The following TRPM3 variants were observed in gnomAD, a reference collection of about 807,000 sequenced individuals.
The protein encoded by TRPM3 is transient receptor potential cation channel subfamily M member 3.
In TRPM3, 77 loss-of-function variants were observed where a neutral mutation model predicts 181.2. The ratio of observed to expected loss-of-function variants is 0.42; its 90% CI spans 0.35 to 0.51. The LOEUF (loss-of-function observed/expected upper bound fraction) is 0.51, where lower values mean the gene tolerates loss of function less well. TRPM3 is among the 20% of genes least tolerant of loss of function. The probability of loss-of-function intolerance (pLI) is 0.01; values close to 1 mark genes in which losing one functional copy is unlikely to be tolerated. For missense variants in TRPM3, 1,759 were observed against 2,196.7 expected (o/e 0.80, Z 3.98); for synonymous variants, 745 against 796.4 (o/e 0.94, Z 1.09).
intron 1 of TRPM3, among the ~76,000 whole-genome samples, chr9:70,969,028 A>G (rs1478557656): frequency 6.6e-6 from 1 of 152,184 alleles, no homozygotes; most frequent in Non-Finnish European, 1.5e-5. Context: ...TAAATAAACT[A>G]AAGAGCTTCT....
At chr9:71,401,197 C>A (rs1315424661) in intron 1 of TRPM3, among the ~76,000 whole-genome samples, 106 of 105,742 alleles carry the variant, frequency 1.0e-3, no homozygotes, top group South Asian at 2.3e-3. Context: ...GACACCATCG[C>A]AAAAAAAAAA....
intron 1 of TRPM3, among the ~76,000 whole-genome samples, chr9:71,325,595 G>A (rs1565463562): frequency 1.3e-5 from 2 of 152,060 alleles, no homozygotes; most frequent in African/African-American, 4.8e-5. Flanking sequence ...AGCATAACAG[G>A]TAAATAAATG....
At chr9:70,610,581 T>C (rs376855691) in intron 19 of TRPM3, 28 bp downstream of exon 19, 10 of 1,606,480 alleles carry the variant, frequency 6.2e-6, no homozygotes, top group Non-Finnish European at 7.7e-6. Context: ...GGCCATCCAC[T>C]AGGAAGGAGA....
chr9:71,129,239 A>T (rs976876181), intron 1 of TRPM3, among the ~76,000 whole-genome samples: 1 of 152,168 alleles, frequency 6.6e-6, no homozygotes, highest in East Asian at 1.9e-4. Flanking sequence ...AAATGATTTT[A>T]CTTTATGAGA....
At chr9:71,424,380 T>A (rs2093827175) in intron 1 of TRPM3, among the ~76,000 whole-genome samples, 1 of 152,150 alleles carries the variant, frequency 6.6e-6, no homozygotes, top group Non-Finnish European at 1.5e-5. Context: ...AGAAACTCCT[T>A]GACCACACAT....
intron 1 of TRPM3, among the ~76,000 whole-genome samples, chr9:71,398,765 C>T (rs1463452606): frequency 6.6e-6 from 1 of 152,064 alleles, no homozygotes; most frequent in East Asian, 1.9e-4. Context: ...TAAGAACAGA[C>T]TCATACAATC....
At chr9:70,817,021 G>A (rs1215980765) in intron 6 of TRPM3, among the ~76,000 whole-genome samples, 1 of 152,178 alleles carries the variant, frequency 6.6e-6, no homozygotes. Flanking sequence ...AGAATACACA[G>A]ACATATCTTA....
At position 70,843,069 on chromosome 9, in the gene TRPM3, C is replaced by T. The variant is rs1448608390; in HGVS notation, c.735G>A (p.Lys245=). 6.2e-7 allele frequency: 1 copy of T among 1,613,546 alleles called. No individual in the cohort carries two copies. Among genetic ancestry groups the T allele is most frequent in the Non-Finnish European group, 8.5e-7 (1 of 1,179,824 alleles). The part of the protein sequence containing the change: ...LKDHASKSRG[K]ICTIGIAPWG... The stretch of plus-strand genomic sequence containing the variant: ...AGGGGGCAATACCTATGGTGCATAT[C>T]TTTCCTCGAGACTTAGAGGCATGAT... The change falls in exon 5 of 26, where the codon AAG becomes AAA. Residue 245 remains lysine (K), a synonymous_variant. Transcript: ENST00000677713.
intron 22 of TRPM3, among the ~76,000 whole-genome samples, chr9:70,587,627 C>G (rs1184401394): frequency 1.3e-5 from 2 of 152,176 alleles, no homozygotes; most frequent in Non-Finnish European, 2.9e-5. Flanking sequence ...TGGCTTTTCT[C>G]CTCAAGCTCC....
intron 1 of TRPM3, among the ~76,000 whole-genome samples, chr9:71,044,450 T>C (rs1187152167): frequency 6.6e-6 from 1 of 152,236 alleles, no homozygotes; most frequent in African/African-American, 2.4e-5. Context: ...TTCCACCAAT[T>C]TTCTTGTATG....
At chr9:71,173,689 G>A (rs904505785) in intron 1 of TRPM3, among the ~76,000 whole-genome samples, 1 of 152,226 alleles carries the variant, frequency 6.6e-6, no homozygotes, top group African/African-American at 2.4e-5. Flanking sequence ...GCTTTGGAGA[G>A]AGGCACATTA....
intron 1 of TRPM3, among the ~76,000 whole-genome samples, chr9:71,409,204 C>A (rs930496884): frequency 6.6e-6 from 1 of 152,092 alleles, no homozygotes; most frequent in African/African-American, 2.4e-5. Flanking sequence ...CATCAACTAC[C>A]GAGCAAAATA....
chr9:70,985,213 G>T (rs756766245), intron 1 of TRPM3, among the ~76,000 whole-genome samples: 2 of 152,214 alleles, frequency 1.3e-5, no homozygotes, highest in Non-Finnish European at 2.9e-5. Flanking sequence ...GTAAGCCTGA[G>T]ACCCAGTGCC....
At chr9:71,149,807 T>C in intron 1 of TRPM3, among the ~76,000 whole-genome samples, 1 of 151,644 alleles carries the variant, frequency 6.6e-6, no homozygotes. Context: ...CTACGAAAAA[T>C]ACAACCATTA....
chr9:70,954,479 T>C (rs1421165058), intron 1 of TRPM3, among the ~76,000 whole-genome samples: 2 of 152,186 alleles, frequency 1.3e-5, no homozygotes, highest in East Asian at 3.9e-4. Context: ...AGACTCATTT[T>C]TATAGTATTA....
chr9:71,054,478 G>A (rs887719819), intron 1 of TRPM3, among the ~76,000 whole-genome samples: 1 of 152,170 alleles, frequency 6.6e-6, no homozygotes, highest in African/African-American at 2.4e-5. Flanking sequence ...ATTTAATGCA[G>A]CTCAGCTTTT....
At position 70,996,244 on chromosome 9, in the gene TRPM3, G is replaced by C. The variant is rs538860286; in HGVS notation, c.177+124934C>G. Among the ~76,000 whole-genome samples, 3 of 152,290 alleles carry C rather than the reference G, an allele frequency of 2.0e-5. No homozygotes were observed. The East Asian group carries it at 5.8e-4, about 29-fold the overall frequency. The stretch of plus-strand genomic sequence containing the variant: ...ATTATATAAAGGGGTTAAGAACTTT[G>C]ATCTTCAGACAGGGGCTCATTTTGC... On this transcript the variant is annotated intron_variant, in intron 1 of 25. Transcript: ENST00000677713.
intron 1 of TRPM3, among the ~76,000 whole-genome samples, chr9:71,243,182 C>T (rs1460532844): frequency 1.3e-5 from 2 of 152,198 alleles, no homozygotes; most frequent in Non-Finnish European, 2.9e-5. Flanking sequence ...GCCAGGATTA[C>T]AGGCACCCGC....
At chr9:70,898,284 G>T (rs1458722933) in intron 1 of TRPM3, among the ~76,000 whole-genome samples, 1 of 150,928 alleles carries the variant, frequency 6.6e-6, no homozygotes, top group Non-Finnish European at 1.5e-5. Flanking sequence ...CACTACGCCC[G>T]GCTAATTTTT....
Sources: allele counts gnomAD v4.1 joint callset (sites outside exome capture counted in the v4.1 genomes callset), GRCh38; gene constraint gnomAD v4.1.1; transcripts MANE v1.5; gene names NCBI Gene and HGNC (gene_info 2026-07-23, HGNC 2026-07-21).